BIRC6: variants seen among roughly 807,000 people sequenced by gnomAD.
BIRC6 encodes dual E2 ubiquitin-conjugating enzyme/E3 ubiquitin-protein ligase BIRC6.
Under a neutral mutation model 503.3 loss-of-function variants are expected in BIRC6, and 98 were observed. The observed-to-expected ratio is 0.19, with a 90% CI of 0.17 to 0.23. The LOEUF (loss-of-function observed/expected upper bound fraction) is 0.23. BIRC6 is among the 10% of genes least tolerant of loss of function. BIRC6 has a pLI of 1.00. For missense variants in BIRC6, 5,360 were observed against 5,806.0 expected (o/e 0.92, Z 2.50); for synonymous variants, 2,240 against 2,078.7 (o/e 1.08, Z -2.11).
chr2:32,470,492 C>A (rs2048994561), intron 31 of BIRC6, among the ~76,000 whole-genome samples, 191 bp downstream of exon 31: 2 of 151,998 alleles, frequency 1.3e-5, no homozygotes, highest in East Asian at 3.8e-4. Context: ...AAATTTATTC[C>A]TTTTCATTAT....
chr2:32,443,599 T>A lies in BIRC6; in HGVS notation c.4336+11T>A, dbSNP rs1201293669. The A allele has an allele frequency of 1.3e-6, 2 of 1,560,394 alleles. No individual in the cohort carries two copies. Among genetic ancestry groups the A allele is most frequent in the Non-Finnish European group, 8.7e-7 (1 of 1,142,870 alleles). Reference sequence around the variant, plus strand: ...CAGCAACAACTGGTGGTATGTAAAATTAATTTAATCACAAATAGTTATAGT... The same window carrying A: ...CAGCAACAACTGGTGGTATGTAAAAATAATTTAATCACAAATAGTTATAGT... On this transcript the variant is annotated intron_variant, in intron 20 of 73. Coordinates refer to ENST00000421745, the MANE Select transcript of BIRC6 (RefSeq NM_016252.4).
intron 48 of BIRC6, 45 bp from the exon 49 acceptor site, chr2:32,502,997 A>G (rs746629620): frequency 1.3e-6 from 2 of 1,527,916 alleles, no homozygotes; most frequent in African/African-American, 1.4e-5. Flanking sequence ...ATGTTGAACC[A>G]TCTGTCCTGA....
At chr2:32,467,423 A>T in intron 26 of BIRC6, 102 bp from the exon 27 acceptor site, 1 of 878,392 alleles carries the variant, frequency 1.1e-6, no homozygotes, top group Non-Finnish European at 1.8e-6. Context: ...TAGTTTAGTG[A>T]GTTGCTTTCA....
At chr2:32,596,646 C>T (rs1488131049) in intron 68 of BIRC6, among the ~76,000 whole-genome samples, 1 of 152,080 alleles carries the variant, frequency 6.6e-6, no homozygotes, top group Non-Finnish European at 1.5e-5. Context: ...AGTTTCCAGA[C>T]ATATGTTTGT....
At chr2:32,475,464 A>G (rs968663741) in intron 33 of BIRC6, among the ~76,000 whole-genome samples, 9 of 152,238 alleles carry the variant, frequency 5.9e-5, no homozygotes, top group African/African-American at 2.2e-4. Context: ...GTGTGGATAT[A>G]CTTATAAAAG....
intron 71 of BIRC6, among the ~76,000 whole-genome samples, chr2:32,607,149 G>GC (rs1470316156): frequency 6.7e-6 from 1 of 149,562 alleles, no homozygotes; most frequent in African/African-American, 2.5e-5. Flanking sequence ...AATTTTTTTA[G>GC]CATTTTTTGG....
At chr2:32,461,931 T>G (rs957424724) in intron 23 of BIRC6, among the ~76,000 whole-genome samples, 12 of 152,322 alleles carry the variant, frequency 7.9e-5, no homozygotes, top group African/African-American at 2.9e-4. Flanking sequence ...GCTTCCATGC[T>G]TAACACTATG....
chr2:32,450,205 A>G (rs2046533446), intron 22 of BIRC6, among the ~76,000 whole-genome samples: 1 of 152,206 alleles, frequency 6.6e-6, no homozygotes, highest in African/African-American at 2.4e-5. Flanking sequence ...TCGGCCGGGC[A>G]CGGTGGCTCA....
chr2:32,575,657 C>T (rs918161900), intron 66 of BIRC6, among the ~76,000 whole-genome samples: 3 of 151,640 alleles, frequency 2.0e-5, no homozygotes, highest in East Asian at 1.9e-4. Context: ...CCCAGCTGCT[C>T]GGGAGGCTGA....
rs546176442 is a variant in BIRC6 at position 32,467,991 on chromosome 2, G to C, written c.5660G>C (p.Trp1887Ser). The C allele has an allele frequency of 3.1e-6, 5 of 1,613,662 alleles. No homozygotes were observed. The East Asian group carries it at 1.1e-4, about 36-fold the overall frequency. ...FYYGHTYILP[W>S]ESELKLMHDP... ...TATGGTCATACCTACATCTTGCCTTGGGAAAGTGAACTGAAGTTAATGCAT... is the reference window on the plus strand; with the variant it reads ...TATGGTCATACCTACATCTTGCCTTCGGAAAGTGAACTGAAGTTAATGCAT... Residue 1887 changes from tryptophan (W) to serine (S), a missense_variant, in exon 28 of 74, where the codon TGG becomes TCG. By Grantham distance (177) the Trp-to-Ser change is radical (BLOSUM62 -3). This residue lies in a region of BIRC6 where 2,299 missense variants were observed against 2,267.2 expected (regional missense o/e 1.01). Transcript: ENST00000421745.
intron 66 of BIRC6, among the ~76,000 whole-genome samples, chr2:32,588,839 T>G (rs769596218): frequency 6.4e-4 from 97 of 152,308 alleles, no homozygotes; most frequent in Non-Finnish European, 9.4e-4. Flanking sequence ...ATTGTGAAAA[T>G]TCATTCTGTT....
At chr2:32,523,426 C>A (rs2055942357) in intron 57 of BIRC6, 1 of 152,116 alleles carries the variant, frequency 6.6e-6, no homozygotes, top group Non-Finnish European at 1.5e-5. Flanking sequence ...CCTGATTATG[C>A]TATGAATTAA....
chr2:32,517,692 G>A (rs1363330512), intron 55 of BIRC6, among the ~76,000 whole-genome samples: 1 of 152,128 alleles, frequency 6.6e-6, no homozygotes, highest in Admixed American at 6.5e-5. Context: ...TCCTGCCTCA[G>A]CCTCCCAAGT....
intron 53 of BIRC6, among the ~76,000 whole-genome samples, chr2:32,511,793 A>G (rs2054482992): frequency 6.6e-6 from 1 of 152,142 alleles, no homozygotes; most frequent in South Asian, 2.1e-4. Flanking sequence ...AAATGAAGTC[A>G]TTTGATGTTT....
intron 1 of BIRC6, among the ~76,000 whole-genome samples, chr2:32,368,955 A>G (rs1041620513): frequency 6.6e-6 from 1 of 152,158 alleles, no homozygotes; most frequent in Non-Finnish European, 1.5e-5. Context: ...TCATTATGGC[A>G]TTAATTACCT....
chr2:32,399,248 G>C (rs2040331885), intron 6 of BIRC6, among the ~76,000 whole-genome samples: 1 of 152,064 alleles, frequency 6.6e-6, no homozygotes, highest in African/African-American at 2.4e-5. Context: ...ACAATGCCTA[G>C]CTAATATATG....
At chr2:32,367,574 C>T (rs1465880590) in intron 1 of BIRC6, among the ~76,000 whole-genome samples, 1 of 152,132 alleles carries the variant, frequency 6.6e-6, no homozygotes, top group East Asian at 1.9e-4. Context: ...GTAATCCCAG[C>T]ACTTGTGGGG....
In BIRC6 at chr2:32,575,307, T is replaced by C; in HGVS notation, c.13296T>C (p.Ser4432=). ...EEEEQSECQT[S]VGTLLAKMKT... ...AAGAACAGTCAGAATGTCAAACTTC[T>C]GTTGGTACATTGTTAGCCAAAATGA... The change falls in exon 66 of 74, where the codon TCT becomes TCC. Residue 4432 remains serine (S), a synonymous_variant. Coordinates refer to ENST00000421745, the MANE Select transcript of BIRC6 (RefSeq NM_016252.4). 8.1e-6 allele frequency: 13 copies of C among 1,613,996 alleles called. No homozygotes were observed. The highest frequency in any genetic ancestry group is 1.1e-5 in the Non-Finnish European group (13 of 1,179,894).
At chr2:32,539,796 A>G (rs951308320) in intron 61 of BIRC6, among the ~76,000 whole-genome samples, 5 of 152,122 alleles carry the variant, frequency 3.3e-5, no homozygotes, top group African/African-American at 1.2e-4. Flanking sequence ...AGGAATTACT[A>G]CAGTAAGAGC....
Sources: gnomAD v4.1 joint callset for allele counts (sites outside exome capture counted in the v4.1 genomes callset) on GRCh38, gnomAD v4.1.1 for gene constraint, gnomAD v4.1.1 regional missense constraint, MANE v1.5 for transcripts, NCBI Gene and HGNC (gene_info 2026-07-23, HGNC 2026-07-21) for gene names.